The following MOGS variants were observed in gnomAD, a reference collection of about 807,000 sequenced individuals.
MOGS encodes the protein mannosyl-oligosaccharide glucosidase.
In MOGS, 45 loss-of-function variants were observed where a neutral mutation model predicts 68.5. The observed-to-expected ratio is 0.66, with a 90% CI of 0.52 to 0.84. The LOEUF (loss-of-function observed/expected upper bound fraction) is 0.84, where lower values mean the gene tolerates loss of function less well. Ranked by LOEUF, MOGS falls within the 40% of genes least tolerant of loss-of-function variation. The probability of loss-of-function intolerance (pLI) is 0.00; values close to 1 mark genes in which losing one functional copy is unlikely to be tolerated. For synonymous variants in MOGS, 492 were observed against 461.2 expected (o/e 1.07, Z -0.86); for missense variants, 1,020 against 1,095.0 (o/e 0.93, Z 0.97).
Position 74,464,532 on chromosome 2 carries a change from T to C in MOGS, c.543A>G (p.Gly181=). 6.2e-7 allele frequency: 1 copy of C among 1,614,104 alleles called. No individual in the cohort carries two copies. The highest frequency in any genetic ancestry group is 8.5e-7 in the Non-Finnish European group (1 of 1,180,018). Residue 181 remains glycine (G), a synonymous_variant, in exon 2 of 4, where the codon GGA becomes GGG. Transcript: ENST00000448666. ...CAGTCACTCTCCAGCTCCAGTCCCC[T>C]CCGTGCTGACCCCCAGGCCTCTTGA... ...EFVKRPGGQH[G]GDWSWRVTVE... is the part of the protein sequence containing the mutation.
In MOGS at chr2:74,461,437, G is replaced by C. The variant is rs371877226; in HGVS notation, c.2352C>G (p.His784Gln). Residue 784 changes from histidine (H) to glutamine (Q), a missense_variant, in exon 4 of 4, where the codon CAC becomes CAG. Transcript: ENST00000448666. Reference protein sequence around the residue: ...GPHQARAAKLHGELRANVVGN... With the variant: ...GPHQARAAKLQGELRANVVGN... The stretch of plus-strand genomic sequence containing the variant: ...CTACCACGTTGGCACGGAGCTCACC[G>C]TGGAGTTTGGCAGCCCGAGCCTGGT... 1 of 1,614,234 alleles carries C rather than the reference G, an allele frequency of 6.2e-7. No homozygotes were observed.
rs749209097 is a variant in MOGS, at chr2:74,461,248, G to A, written c.*27C>T. 2 of 1,613,242 alleles carry A rather than the reference G, an allele frequency of 1.2e-6. No homozygotes were observed. The highest frequency in any genetic ancestry group is 3.3e-5 in the Admixed American group (2 of 60,026). ...CCTTCAGAGCCAGAGTGGCATGAGTGTCTTGGCTCCCCTCCTCTCCCTCCC... is the reference window on the plus strand; with the variant it reads ...CCTTCAGAGCCAGAGTGGCATGAGTATCTTGGCTCCCCTCCTCTCCCTCCC... On this transcript the variant is annotated 3_prime_UTR_variant, in exon 4 of 4. Coordinates refer to ENST00000448666, the MANE Select transcript of MOGS (RefSeq NM_006302.3).
chr2:74,461,069 T>C lies in MOGS; in HGVS notation c.*206A>G, dbSNP rs1293593223. 2 of 686,086 alleles carry C rather than the reference T, an allele frequency of 2.9e-6. No individual in the cohort carries two copies. The highest frequency in any genetic ancestry group is 4.9e-6 in the Non-Finnish European group (2 of 409,220). The allele number at this position is 686,086 out of a possible 1,614,324, so 42.5% of individuals were successfully genotyped here. ...CTGGCAAAAGCAATAGAGTTCAAAA[T>C]GTTTTTTCCAATTTATTTAGAAAAA... On this transcript the variant is annotated 3_prime_UTR_variant, in exon 4 of 4. Transcript: ENST00000448666.
In MOGS at chr2:74,462,084, A is replaced by G. The variant is rs1329424947; in HGVS notation, c.1705T>C (p.Leu569=). The change falls in exon 4 of 4, where the codon TTA becomes CTA. Residue 569 remains leucine (L), a synonymous_variant. Transcript: ENST00000448666. ...SYRWRGRDPA[L]PTLLNPKTLP... ...GTCTTGGGGTTCAGTAAGGTTGGTA[A>G]GGCAGGGTCCCGTCCCCGCCAGCGG... 1 of 1,614,108 alleles carries G rather than the reference A, an allele frequency of 6.2e-7. No individual in the cohort carries two copies. Among genetic ancestry groups the G allele is most frequent in the Non-Finnish European group, 8.5e-7 (1 of 1,179,972 alleles).
chr2:74,463,143 G>T, intron 3 of MOGS, 47 bp downstream of exon 3: 1 of 1,612,110 alleles, frequency 6.2e-7, no homozygotes, highest in Non-Finnish European at 8.5e-7. Context: ...GGTGAAAATG[G>T]GAATAACCAC....
At chr2:74,463,595 G>T in intron 2 of MOGS, 2 of 538,880 alleles carry the variant, frequency 3.7e-6, no homozygotes, top group South Asian at 3.8e-5. Context: ...TGCCCTGGGA[G>T]ATAACAGTAT....
At position 74,464,903 on chromosome 2, in the gene MOGS, G is replaced by A. The variant is rs1194739939; in HGVS notation, c.345C>T (p.Leu115=). The A allele has an allele frequency of 1.2e-6, 2 of 1,606,034 alleles. No individual in the cohort carries two copies. The highest frequency in any genetic ancestry group is 1.3e-5 in the African/African-American group (1 of 74,986). The change falls in exon 1 of 4, where the codon CTC becomes CTT. Residue 115 remains leucine, a synonymous_variant. Coordinates refer to ENST00000448666, the MANE Select transcript of MOGS (RefSeq NM_006302.3). ...GCCCTGGGGCCCGGTTACCGGTGAG[G>A]AGGGGCTTCGGGCTGCGGGTCTTCA... The part of the protein sequence containing the change: ...FGMKTRSPKP[L]LTGLMWAQQG...
In MOGS at chr2:74,465,098, G is replaced by C. The variant is rs777792215; in HGVS notation, c.150C>G (p.Val50=). ...CCGACATACCCAGGGCCAAAGACAG[G>C]ACCACGACGGCCAGAGCCACTCCTC... The part of the protein sequence containing the change: ...TAGGVALAVV[V]LSLALGMSGR... The change falls in exon 1 of 4, where the codon GTC becomes GTG. Residue 50 remains valine (V), a synonymous_variant. Transcript: ENST00000448666. 1.3e-6 allele frequency: 2 copies of C among 1,550,394 alleles called. No homozygotes were observed. The highest frequency in any genetic ancestry group is 3.9e-5 in the Admixed American group (2 of 51,720).
In MOGS at chr2:74,464,543, C is replaced by T. The variant is rs1214300593; in HGVS notation, c.532G>A (p.Gly178Ser). The part of the protein sequence containing the change: ...LTTEFVKRPG[G>S]QHGGDWSWRV... ...CAGCTCCAGTCCCCTCCGTGCTGAC[C>T]CCCAGGCCTCTTGACGAACTCAGTG... is the stretch of plus-strand genomic sequence containing the variant. The change falls in exon 2 of 4, where the codon GGT (glycine) becomes AGT (serine). Residue 178 changes from glycine to serine, a missense_variant. Physicochemically the swap from Gly to Ser is moderately conservative, Grantham distance 56. This residue lies in a region of MOGS where 569 missense variants were observed against 571.9 expected (regional missense o/e 0.99). Coordinates refer to ENST00000448666, the MANE Select transcript of MOGS (RefSeq NM_006302.3). 1 of 1,614,120 alleles carries T rather than the reference C, an allele frequency of 6.2e-7. No homozygotes were observed. The highest frequency in any genetic ancestry group is 8.5e-7 in the Non-Finnish European group (1 of 1,180,034).
rs760160297 is a variant in MOGS, at chr2:74,462,323, A to G, written c.1466T>C (p.Ile489Thr). 7 of 1,613,838 alleles carry G rather than the reference A, an allele frequency of 4.3e-6. No individual in the cohort carries two copies. In the African/African-American group the frequency reaches 9.3e-5, roughly 22 times the overall value. The change falls in exon 4 of 4, where the codon ATA (isoleucine) becomes ACA (threonine). Residue 489 changes from isoleucine (I) to threonine (T), a missense_variant. Coordinates refer to ENST00000448666, the MANE Select transcript of MOGS (RefSeq NM_006302.3). ...CCGGGCTCGGGCCTCATCCCCCAGT[A>G]TCTGCTCCCTCCCAATCCAGCCATC... ...NADGWIGREQ[I>T]LGDEARARVP...
At position 74,461,727 on chromosome 2, in the gene MOGS, C is replaced by T. The variant is rs186098891; in HGVS notation, c.2062G>A (p.Ala688Thr). The T allele has an allele frequency of 8.3e-4, 1,342 of 1,614,216 alleles. 1 individual carries two copies. Among genetic ancestry groups the T allele is most frequent in the Non-Finnish European group, 1.1e-3 (1,262 of 1,180,040 alleles). ...GGAAAAAGACTGACATAGCCAAGAG[C>T]ATCTACATACTGCAGTTGAGGTTGG... Reference protein sequence around the residue: ...RPQPQLQYVDALGYVSLFPLL... With the variant: ...RPQPQLQYVDTLGYVSLFPLL... Residue 688 changes from alanine to threonine, a missense_variant, in exon 4 of 4, where the codon GCT becomes ACT. Ala to Thr is a moderately conservative substitution (Grantham distance 58, BLOSUM62 0). Around this residue, in one of 3 missense-constraint regions of MOGS, gnomAD observed 270 missense variants for 261.3 expected, o/e 1.03. Transcript: ENST00000448666.
At position 74,462,454 on chromosome 2, in the gene MOGS, TG is replaced by T. The variant is rs1305200481; in HGVS notation, c.1334del (p.Pro445HisfsTer34). 2 of 1,611,700 alleles carry T rather than the reference TG, an allele frequency of 1.2e-6. No individual in the cohort carries two copies. Among genetic ancestry groups the T allele is most frequent in the African/African-American group, 2.7e-5 (2 of 74,804 alleles). On this transcript the variant is annotated frameshift_variant, in exon 4 of 4. Transcript: ENST00000448666. LOFTEE classifies it high-confidence loss of function. ...AGCCTTCATCCCAAAGGAAGCCTCG[TG>T]GGAAGAATGACCGGGAGGGCACTGC... ...FTAVPSRSFF[P>X]RGFLWDEGFH...
chr2:74,462,880 G>T lies in MOGS; in HGVS notation c.909C>A (p.Ser303=), dbSNP rs1396911740. 1.9e-6 allele frequency: 3 copies of T among 1,614,014 alleles called. No homozygotes were observed. Among genetic ancestry groups the T allele is most frequent in the Non-Finnish European group, 2.5e-6 (3 of 1,180,044 alleles). The change falls in exon 4 of 4, where the codon TCC becomes TCA. Residue 303 remains serine (S), a synonymous_variant. Coordinates refer to ENST00000448666, the MANE Select transcript of MOGS (RefSeq NM_006302.3). ...PPERYLGLPG[S]LKWEDRGPSG... ...TTGGACCTCTGTCCTCCCACTTCAGGGATCCTGGCAAGCCGAGGTAGCGTT... is the reference window on the plus strand; with the variant it reads ...TTGGACCTCTGTCCTCCCACTTCAGTGATCCTGGCAAGCCGAGGTAGCGTT...
At position 74,461,792 on chromosome 2, in the gene MOGS, G is replaced by A; in HGVS notation, c.1997C>T (p.Pro666Leu). 1 of 1,614,184 alleles carries A rather than the reference G, an allele frequency of 6.2e-7. No homozygotes were observed. Among genetic ancestry groups the A allele is most frequent in the Non-Finnish European group, 8.5e-7 (1 of 1,180,032 alleles). Residue 666 changes from proline (P) to leucine (L), a missense_variant, in exon 4 of 4, where the codon CCC becomes CTC. Physicochemically the swap from Pro to Leu is moderately conservative, Grantham distance 98. Around this residue, in one of 3 missense-constraint regions of MOGS, gnomAD observed 270 missense variants for 261.3 expected, o/e 1.03. Transcript: ENST00000448666. ...CCGAACGAGCCCCTGAGGGGGCCTG[G>A]GCTTCAGCTGTACTGCTTTTGTGTG... ...GNHTKAVQLK[P>L]RPPQGLVRVV...
chr2:74,465,129 G>T lies in MOGS; in HGVS notation c.119C>A (p.Thr40Lys). 2.0e-6 allele frequency: 3 copies of T among 1,535,636 alleles called. No individual in the cohort carries two copies. The highest frequency in any genetic ancestry group is 2.5e-5 in the East Asian group (1 of 40,392). ...GACGGCCAGAGCCACTCCTCCAGCC[G>T]TGCTACGCGGCCCGCCGCCCCGGCC... ...RDGRGGGPRSTAGGVALAVVV... is the reference protein window; with the variant it reads ...RDGRGGGPRSKAGGVALAVVV... The change falls in exon 1 of 4, where the codon ACG (threonine) becomes AAG (lysine). Residue 40 changes from threonine (T) to lysine (K), a missense_variant. Transcript: ENST00000448666.
At chr2:74,464,077 A>G (rs896055656) in intron 2 of MOGS, among the ~76,000 whole-genome samples, 1 of 151,608 alleles carries the variant, frequency 6.6e-6, no homozygotes, top group African/African-American at 2.4e-5. Context: ...CTCCTGCCTC[A>G]GCCTCCCAAG....
chr2:74,461,937 G>A lies in MOGS; in HGVS notation c.1852C>T (p.Leu618=). 6.2e-7 allele frequency: 1 copy of A among 1,614,152 alleles called. No individual in the cohort carries two copies. Among genetic ancestry groups the A allele is most frequent in the Non-Finnish European group, 8.5e-7 (1 of 1,180,034 alleles). Residue 618 remains leucine, a synonymous_variant, in exon 4 of 4, where the codon CTG becomes TTG. Coordinates refer to ENST00000448666, the MANE Select transcript of MOGS (RefSeq NM_006302.3). The part of the protein sequence containing the change: ...ARVLTRLAEH[L]GEAEVAAELG... ...TCAGCAGCTACCTCAGCCTCACCCAGATGCTCTGCCAGCCGCGTCAGCACA... is the reference window on the plus strand; with the variant it reads ...TCAGCAGCTACCTCAGCCTCACCCAAATGCTCTGCCAGCCGCGTCAGCACA...
Position 74,462,508 on chromosome 2 carries a change from G to A in MOGS, c.1281C>T (p.Ala427=). 13 of 1,607,772 alleles carry A rather than the reference G, an allele frequency of 8.1e-6. No homozygotes were observed. Among genetic ancestry groups the A allele is most frequent in the Non-Finnish European group, 1.1e-5 (13 of 1,175,782 alleles). Reference sequence around the variant, plus strand: ...TAAAAAGAGGTACGGGTGGAAAGAGGGCTGGGTCCACCTTCTGCTCAGACC... The same window carrying A: ...TAAAAAGAGGTACGGGTGGAAAGAGAGCTGGGTCCACCTTCTGCTCAGACC... ...VEGSEQKVDP[A]LFPPVPLFTA... is the part of the protein sequence containing the mutation. The change falls in exon 4 of 4, where the codon GCC becomes GCT. Residue 427 remains alanine, a synonymous_variant. Transcript: ENST00000448666.
Position 74,462,832 on chromosome 2 carries a change from G to C in MOGS, c.957C>G (p.Phe319Leu), listed in dbSNP as rs1345245341. 6.2e-7 allele frequency: 1 copy of C among 1,614,208 alleles called. No individual in the cohort carries two copies. The highest frequency in any genetic ancestry group is 1.1e-5 in the South Asian group (1 of 91,088). The change falls in exon 4 of 4, where the codon TTC becomes TTG. Residue 319 changes from phenylalanine to leucine, a missense_variant. By Grantham distance (22) the Phe-to-Leu change is conservative. Around this residue, in one of 3 missense-constraint regions of MOGS, gnomAD observed 569 missense variants for 571.9 expected, o/e 0.99. Transcript: ENST00000448666. The part of the protein sequence containing the change: ...RGPSGQGQGQ[F>L]LIQQVTLKIP... ...TTTTCAGGGTCACCTGCTGTATCAA[G>C]AACTGCCCCTGCCCTTGCCCACTTG...
Sources: allele counts gnomAD v4.1 joint callset (sites outside exome capture counted in the v4.1 genomes callset), GRCh38; gene constraint gnomAD v4.1.1; regional missense constraint gnomAD v4.1.1; transcripts MANE v1.5; gene names NCBI Gene and HGNC (gene_info 2026-07-23, HGNC 2026-07-21).